CHRNA7: variants seen among roughly 807,000 people sequenced by gnomAD.
CHRNA7 encodes cholinergic receptor nicotinic alpha 7 subunit, also known as neuronal acetylcholine receptor subunit alpha-7.
Under a neutral mutation model 48.0 loss-of-function variants are expected in CHRNA7, and 17 were observed. That is an observed-to-expected ratio of 0.35 (90% CI 0.24 to 0.53). The LOEUF (loss-of-function observed/expected upper bound fraction) is 0.53. Ranked by LOEUF, CHRNA7 falls within the 20% of genes least tolerant of loss-of-function variation. The pLI is 0.92. For synonymous variants in CHRNA7, 75 were observed against 242.3 expected, an observed-to-expected ratio of 0.31 and a Z score of 6.41; for missense variants, 155 against 577.7, an observed-to-expected ratio of 0.27 and a Z score of 7.50.
At chr15:32,121,661 C>T (rs1053858417) in intron 4 of CHRNA7, among the ~76,000 whole-genome samples, 3 of 152,204 alleles carry the variant, frequency 2.0e-5, no homozygotes, top group Non-Finnish European at 4.4e-5. Context: ...GGTGGCCATA[C>T]GTCTTGGTCT....
rs1257172793 is a variant in CHRNA7 at position 32,050,015 on chromosome 15, G to A, written c.195+18978G>A. Among the ~76,000 whole-genome samples, 10 of 152,294 alleles carry A rather than the reference G, an allele frequency of 6.6e-5. No homozygotes were observed. The East Asian group carries it at 7.7e-4, about 12-fold the overall frequency. The stretch of plus-strand genomic sequence containing the variant: ...TTGTAGAGTTTCTGCCGAGAGATCC[G>A]CTGTTAGTCTGATGGGTTTCCCTTT... On this transcript the variant is annotated intron_variant, in intron 2 of 9. Transcript: ENST00000306901.
At chr15:32,095,228 G>C (rs531159662) in intron 2 of CHRNA7, among the ~76,000 whole-genome samples, 1 of 152,328 alleles carries the variant, frequency 6.6e-6, no homozygotes, top group Admixed American at 6.5e-5. Context: ...GCCAGGCCCT[G>C]TGGTACGAGG....
At chr15:32,133,461 C>T (rs118145247) in intron 4 of CHRNA7, among the ~76,000 whole-genome samples, 271 of 152,276 alleles carry the variant, frequency 1.8e-3, no homozygotes, top group Non-Finnish European at 3.4e-3. Flanking sequence ...CATCCTGGGT[C>T]GCAAAAGTCA....
intron 2 of CHRNA7, chr15:32,099,887 T>A (rs958154303): frequency 6.6e-6 from 1 of 152,174 alleles, no homozygotes; most frequent in Non-Finnish European, 1.5e-5. Context: ...TGGGATATAT[T>A]TTTTCCTGTA....
intron 2 of CHRNA7, among the ~76,000 whole-genome samples, chr15:32,063,548 C>G (rs1254071944): frequency 6.6e-6 from 1 of 152,122 alleles, no homozygotes; most frequent in Admixed American, 6.5e-5. Context: ...AGGTAGTTTC[C>G]CCAAGCCTTG....
chr15:32,073,423 A>G (rs773038092), intron 2 of CHRNA7, among the ~76,000 whole-genome samples: 13 of 152,182 alleles, frequency 8.5e-5, no homozygotes, highest in Non-Finnish European at 1.2e-4. Flanking sequence ...ATTTGCCTTG[A>G]GCCTTAGATG....
intron 2 of CHRNA7, among the ~76,000 whole-genome samples, chr15:32,087,314 G>T (rs1477235834): frequency 6.6e-6 from 1 of 152,108 alleles, no homozygotes; most frequent in Non-Finnish European, 1.5e-5. Flanking sequence ...AACAGCACTG[G>T]TGTTATTTTA....
chr15:32,046,071 T>C (rs2049539072), intron 2 of CHRNA7, among the ~76,000 whole-genome samples: 1 of 151,994 alleles, frequency 6.6e-6, no homozygotes, highest in African/African-American at 2.4e-5. Context: ...TCTATCATTG[T>C]TGGACATTTG....
chr15:32,121,128 G>C (rs1047464913), intron 4 of CHRNA7, among the ~76,000 whole-genome samples: 2 of 152,178 alleles, frequency 1.3e-5, no homozygotes, highest in Non-Finnish European at 2.9e-5. Context: ...AGCAGTGCAG[G>C]GTGTGGGGCC....
chr15:32,107,668 G>A (rs2050693136), intron 3 of CHRNA7, among the ~76,000 whole-genome samples: 2 of 152,138 alleles, frequency 1.3e-5, no homozygotes, highest in Non-Finnish European at 2.9e-5. Flanking sequence ...CGTCGTGGCC[G>A]CAAGGGTGCG....
intron 2 of CHRNA7, among the ~76,000 whole-genome samples, chr15:32,069,164 A>G (rs1173270169): frequency 6.6e-6 from 1 of 152,256 alleles, no homozygotes; most frequent in Non-Finnish European, 1.5e-5. Context: ...CACTCCACAG[A>G]AAATGAAAAG....
chr15:32,041,133 A>AT (rs928316297), intron 2 of CHRNA7, among the ~76,000 whole-genome samples: 14 of 151,550 alleles, frequency 9.2e-5, no homozygotes, highest in East Asian at 1.9e-4. Flanking sequence ...TAGATGTTGG[A>AT]TTTTTTTTCC....
chr15:32,055,780 C>T (rs2141196454), intron 2 of CHRNA7, among the ~76,000 whole-genome samples: 1 of 152,234 alleles, frequency 6.6e-6, no homozygotes, highest in South Asian at 2.1e-4. Flanking sequence ...GAGATCGAGA[C>T]CATCCTGGCT....
At position 32,168,764 on chromosome 15, in the gene CHRNA7, T is replaced by TTTTAATGATAC; in HGVS notation, c.*306_*307insTTTAATGATAC. On this transcript the variant is annotated 3_prime_UTR_variant, in exon 10 of 10. Coordinates refer to ENST00000306901, the MANE Select transcript of CHRNA7 (RefSeq NM_000746.6). Reference sequence around the variant, plus strand: ...GGAAAGCCCTTCGGAGAGCTCCCCATGGCTCCTCACCACCGAGACAGTTGG... The same window carrying TTTTAATGATAC: ...GGAAAGCCCTTCGGAGAGCTCCCCATTTTAATGATACGGCTCCTCACCACCGAGACAGTTGG... 1 of 37,548 alleles carries TTTTAATGATAC rather than the reference T, an allele frequency of 2.7e-5. No homozygotes were observed. The highest frequency in any genetic ancestry group is 4.9e-5 in the Non-Finnish European group (1 of 20,440). The allele number at this position is 37,548 out of a possible 1,614,324, so 2.3% of individuals were successfully genotyped here. A position where few individuals can be genotyped will look rare whatever the true frequency, so the allele number is the denominator to read the frequency against.
intron 4 of CHRNA7, among the ~76,000 whole-genome samples, chr15:32,133,485 C>T (rs985942378): frequency 6.6e-6 from 1 of 152,140 alleles, no homozygotes. Flanking sequence ...CCCAAGAAGG[C>T]GGGAGTAAAA....
chr15:32,111,219 A>G (rs940721314), intron 3 of CHRNA7: 1 of 152,184 alleles, frequency 6.6e-6, no homozygotes, highest in African/African-American at 2.4e-5. Flanking sequence ...TTTCGTCCTG[A>G]CTCTGCGTTT....
At chr15:32,036,547 C>T (rs568300069) in intron 2 of CHRNA7, among the ~76,000 whole-genome samples, 14 of 152,286 alleles carry the variant, frequency 9.2e-5, no homozygotes, top group African/African-American at 3.1e-4. Context: ...TACATTCTCA[C>T]CAGCAATGAA....
chr15:32,158,289 C>CCG (rs1227045979), intron 6 of CHRNA7, 123 bp from the exon 7 acceptor site: 6 of 522,132 alleles, frequency 1.1e-5, no homozygotes, highest in Non-Finnish European at 1.6e-5. Context: ...CAACCCCCCC[C>CCG]TTTTTTTTTT....
chr15:32,110,918 A>G (rs2050752457), intron 3 of CHRNA7, among the ~76,000 whole-genome samples: 1 of 152,140 alleles, frequency 6.6e-6, no homozygotes, highest in East Asian at 1.9e-4. Context: ...CATGGGTGGT[A>G]CCAGGGGGAC....
Sources: allele counts gnomAD v4.1 joint callset (sites outside exome capture counted in the v4.1 genomes callset), GRCh38; gene constraint gnomAD v4.1.1; transcripts MANE v1.5; gene names NCBI Gene and HGNC (gene_info 2026-07-23, HGNC 2026-07-21).